RNF212B: variants seen among roughly 807,000 people sequenced by gnomAD.
RNF212B encodes the protein ring finger protein 212B, also known as E3 ubiquitin-protein ligase RNF212B.
A neutral mutation model predicts 55.5 loss-of-function variants in RNF212B; 52 were observed. The ratio of observed to expected loss-of-function variants is 0.94; its 90% CI spans 0.75 to 1.18. The LOEUF is 1.18. Among genes scored for constraint, RNF212B ranks in the 50% most tolerant of loss-of-function variants. The probability of loss-of-function intolerance (pLI) is 0.00; values close to 1 mark genes in which losing one functional copy is unlikely to be tolerated. For synonymous variants in RNF212B, 99 were observed against 121.4 expected (o/e 0.82, Z 1.21); for missense variants, 289 against 350.4 (o/e 0.82, Z 1.40).
chr14:23,254,649 T>C (rs549146189), intron 4 of RNF212B, among the ~76,000 whole-genome samples: 1 of 152,294 alleles, frequency 6.6e-6, no homozygotes, highest in East Asian at 1.9e-4. Flanking sequence ...CCACCTTGGC[T>C]TCCCAAAGTG....
intron 11 of RNF212B, among the ~76,000 whole-genome samples, chr14:23,267,021 T>C (rs935675938): frequency 2.6e-5 from 4 of 152,192 alleles, no homozygotes; most frequent in Non-Finnish European, 2.9e-5. Context: ...GATGCTGGAG[T>C]GTAGTGGCAC....
intron 9 of RNF212B, among the ~76,000 whole-genome samples, chr14:23,263,763 G>A (rs1258875978): frequency 6.6e-6 from 1 of 152,062 alleles, no homozygotes; most frequent in Non-Finnish European, 1.5e-5. Flanking sequence ...CAAAAAAAAC[G>A]AGTGTTCTGT....
At chr14:23,256,225 A>G (rs1045849681) in intron 4 of RNF212B, among the ~76,000 whole-genome samples, 1 of 152,118 alleles carries the variant, frequency 6.6e-6, no homozygotes, top group Non-Finnish European at 1.5e-5. Context: ...ACTAATCCCA[A>G]GGGTAGGATT....
At chr14:23,187,073 T>C (rs1347219033) in intron 1 of RNF212B, among the ~76,000 whole-genome samples, 1 of 152,216 alleles carries the variant, frequency 6.6e-6, no homozygotes, top group Admixed American at 6.5e-5. Context: ...GTCCTCAGTG[T>C]GGCCATATCC....
intron 2 of RNF212B, among the ~76,000 whole-genome samples, chr14:23,196,482 C>T (rs773151910): frequency 4.6e-5 from 7 of 152,174 alleles, no homozygotes; most frequent in Non-Finnish European, 7.3e-5. Context: ...CTCTGTCACA[C>T]GGGCTGGAGG....
chr14:23,215,044 G>C (rs1880929552), intron 2 of RNF212B, among the ~76,000 whole-genome samples: 1 of 152,208 alleles, frequency 6.6e-6, no homozygotes, highest in Non-Finnish European at 1.5e-5. Flanking sequence ...ATCTTGAATT[G>C]AATTGTAATT....
At position 23,194,767 on chromosome 14, in the gene RNF212B, T is replaced by C. The variant is rs1329575710; in HGVS notation, c.-2+1366T>C. ...AAAAAAAAAAAAAAAACAACGCTGC[T>C]GTATCAAACAGGCCAGAAAAATTAG... On this transcript the variant is annotated intron_variant, in intron 2 of 15. Transcript: ENST00000399910. Among the ~76,000 whole-genome samples the C allele has an allele frequency of 6.1e-5, 9 of 148,442 alleles. No homozygotes were observed. In the East Asian group the frequency reaches 1.8e-3, roughly 29 times the overall value.
chr14:23,198,190 A>G (rs1020146008), intron 2 of RNF212B, among the ~76,000 whole-genome samples: 1 of 152,138 alleles, frequency 6.6e-6, no homozygotes. Flanking sequence ...TGTCTTCTTT[A>G]CTGAAATGTT....
intron 2 of RNF212B, among the ~76,000 whole-genome samples, chr14:23,215,288 G>A (rs1880956390): frequency 6.6e-6 from 1 of 152,120 alleles, no homozygotes. Flanking sequence ...GTGCAGAACT[G>A]TGAGTCAATT....
At chr14:23,255,731 G>A (rs942618441) in intron 4 of RNF212B, among the ~76,000 whole-genome samples, 11 of 152,128 alleles carry the variant, frequency 7.2e-5, no homozygotes, top group African/African-American at 2.7e-4. Context: ...AAAAAAGCAA[G>A]CAAGCAAACA....
Position 23,243,294 on chromosome 14 carries a change from GCT to G in RNF212B, c.142_143del (p.Leu48PhefsTer2). The G allele has an allele frequency of 6.5e-7, 1 of 1,550,140 alleles. No individual in the cohort carries two copies. Among genetic ancestry groups the G allele is most frequent in the Non-Finnish European group, 8.7e-7 (1 of 1,146,872 alleles). On this transcript the variant is annotated frameshift_variant, in exon 3 of 15. Transcript: ENST00000430154. LOFTEE classifies it high-confidence loss of function. The part of the protein sequence containing the change: ...AVCGTACKHL[A>X]LSDNLKPQEK... ...TTGTGGAACTGCCTGCAAGCATCTG[GCT>G]CTTTCTGATAATGTAAGTTTTTCTC...
intron 4 of RNF212B, among the ~76,000 whole-genome samples, chr14:23,249,670 A>G (rs1884261848): frequency 6.6e-6 from 1 of 152,206 alleles, no homozygotes; most frequent in Non-Finnish European, 1.5e-5. Context: ...ACTACTGAGC[A>G]GGGGATTGAG....
At chr14:23,191,271 C>T (rs1441249046) in intron 1 of RNF212B, among the ~76,000 whole-genome samples, 3 of 150,284 alleles carry the variant, frequency 2.0e-5, no homozygotes, top group African/African-American at 7.4e-5. Flanking sequence ...GCAGGAGACT[C>T]ACTTGAACCC....
intron 2 of RNF212B, among the ~76,000 whole-genome samples, chr14:23,201,479 A>G (rs1258272301): frequency 6.6e-6 from 1 of 152,218 alleles, no homozygotes; most frequent in Non-Finnish European, 1.5e-5. Flanking sequence ...TAATTTTGGA[A>G]CACATACCAA....
chr14:23,268,853 G>C (rs893872987), intron 11 of RNF212B, 71 bp from the exon 12 acceptor site: 1 of 1,290,708 alleles, frequency 7.7e-7, no homozygotes, highest in South Asian at 1.3e-5. Flanking sequence ...CCTTTGCCCT[G>C]GCCCCAAGTA....
chr14:23,193,114 A>AG (rs1366014771), intron 1 of RNF212B, among the ~76,000 whole-genome samples: 2 of 115,746 alleles, frequency 1.7e-5, no homozygotes, highest in East Asian at 4.6e-4. Context: ...AAAAAAAAAA[A>AG]AAAAGAATGT....
At chr14:23,200,419 G>A (rs1316701330) in intron 2 of RNF212B, among the ~76,000 whole-genome samples, 1 of 151,974 alleles carries the variant, frequency 6.6e-6, no homozygotes, top group Non-Finnish European at 1.5e-5. Flanking sequence ...TCTGCCTCCT[G>A]GGATCAAGCA....
At chr14:23,202,195 G>A (rs762649079) in intron 2 of RNF212B, among the ~76,000 whole-genome samples, 3 of 150,144 alleles carry the variant, frequency 2.0e-5, no homozygotes, top group Non-Finnish European at 2.9e-5. Context: ...AGCTTGCAGT[G>A]AGCCGAGATT....
chr14:23,186,932 ACT>A (rs1278197913), intron 1 of RNF212B, among the ~76,000 whole-genome samples: 4 of 151,906 alleles, frequency 2.6e-5, no homozygotes, highest in African/African-American at 4.8e-5. Context: ...CCTGAGGGAA[ACT>A]CTGTGTTTTT....
Sources: gnomAD v4.1 joint callset for allele counts (sites outside exome capture counted in the v4.1 genomes callset) on GRCh38, gnomAD v4.1.1 for gene constraint, MANE v1.5 for transcripts, NCBI Gene and HGNC (gene_info 2026-07-23, HGNC 2026-07-21) for gene names.